Variants in KCNQ1 observed in about 807,000 individuals in gnomAD.
KCNQ1 encodes potassium voltage-gated channel subfamily KQT member 1.
A neutral mutation model predicts 72.4 loss-of-function variants in KCNQ1; 49 were observed. That is an observed-to-expected ratio of 0.68 (90% CI 0.54 to 0.86). The LOEUF is 0.86. Among genes scored for constraint, KCNQ1 ranks in the 40% least tolerant of loss-of-function variants. The probability of loss-of-function intolerance (pLI) is 0.00; values close to 1 mark genes in which losing one functional copy is unlikely to be tolerated. For synonymous variants in KCNQ1, 450 were observed against 412.6 expected (o/e 1.09, Z -1.10); for missense variants, 790 against 945.1 (o/e 0.84, Z 2.15).
chr11:2,737,495 A>T (rs1403012037), intron 11 of KCNQ1, among the ~76,000 whole-genome samples: 1 of 152,228 alleles, frequency 6.6e-6, no homozygotes, highest in Non-Finnish European at 1.5e-5. Context: ...ACAGAGCAAT[A>T]AAATTCTTGT....
chr11:2,498,045 C>G lies in KCNQ1; in HGVS notation c.387-29883C>G, dbSNP rs567738814. On this transcript the variant is annotated intron_variant, in intron 1 of 15. Coordinates refer to ENST00000155840, the MANE Select transcript of KCNQ1 (RefSeq NM_000218.3). The surrounding 1 kb of genome is among the most constrained non-coding windows in gnomAD (Gnocchi z 4.8). ...TGCTGCCTACTCCTTCCTCTGGAAG[C>G]TTTGTCCCAGAAGGGCACCAGCCTG... Among the ~76,000 whole-genome samples, 349 of 152,320 alleles carry G rather than the reference C, an allele frequency of 2.3e-3. 4 individuals carry two copies. The highest frequency in any genetic ancestry group is 4.0e-3 in the Non-Finnish European group (271 of 68,032).
rs1192090126 is a variant in KCNQ1 at position 2,817,847 on chromosome 11, T to C, written c.1795-29920T>C. On this transcript the variant is annotated intron_variant, in intron 15 of 15. Transcript: ENST00000155840. The surrounding 1 kb of genome is among the most constrained non-coding windows in gnomAD (Gnocchi z 6.1). Reference sequence around the variant, plus strand: ...CCTGAATCCAGAGTCACATGTATGTTAGAAACCTCTGGCACTCTCCCCTCC... The same window carrying C: ...CCTGAATCCAGAGTCACATGTATGTCAGAAACCTCTGGCACTCTCCCCTCC... Among the ~76,000 whole-genome samples, 1 of 152,116 alleles carries C rather than the reference T, an allele frequency of 6.6e-6. No homozygotes were observed. The highest frequency in any genetic ancestry group is 1.5e-5 in the Non-Finnish European group (1 of 68,016).
intron 15 of KCNQ1, among the ~76,000 whole-genome samples, chr11:2,797,513 A>G (rs1415867797): frequency 6.6e-6 from 1 of 152,138 alleles, no homozygotes; most frequent in African/African-American, 2.4e-5. Flanking sequence ...CCGTGGCTGT[A>G]CCAGCCCTGC....
In KCNQ1 at chr11:2,682,439, T is replaced by C. The variant is rs1006127835; in HGVS notation, c.1514+20358T>C. ...TGTTTTATCTTCAGTGCTTAATCCA[T>C]ATGGAGCCTGTCACGGACCCTCAGT... On this transcript the variant is annotated intron_variant, in intron 11 of 15. Transcript: ENST00000155840. This position sits in a 1 kb window ranked among gnomAD's most constrained non-coding sequence, Gnocchi z 5.8. 8.5e-5 allele frequency: 34 copies of C among 398,448 alleles called. No homozygotes were observed. The highest frequency in any genetic ancestry group is 1.5e-4 in the Non-Finnish European group (33 of 226,112). The allele number at this position is 398,448 out of a possible 1,614,324, so 24.7% of individuals were successfully genotyped here.
intron 10 of KCNQ1, among the ~76,000 whole-genome samples, chr11:2,606,109 T>C (rs1848874422): frequency 6.6e-6 from 1 of 152,264 alleles, no homozygotes; most frequent in South Asian, 2.1e-4. Context: ...AAATTCGCAC[T>C]GTTGTGCTTT....
intron 1 of KCNQ1, among the ~76,000 whole-genome samples, chr11:2,466,138 G>A (rs536888865): frequency 6.6e-6 from 1 of 152,238 alleles, no homozygotes; most frequent in African/African-American, 2.4e-5. Flanking sequence ...TTTGCCTAGG[G>A]AGTGTCGCTG....
In KCNQ1 at chr11:2,764,333, G is replaced by T. The variant is rs1564885112; in HGVS notation, c.1515-4511G>T. The stretch of plus-strand genomic sequence containing the variant: ...GATTGTATTTTTTCTGACTTATTCT[G>T]TTGATGTGAAGAGTGACGCTGCTTG... On this transcript the variant is annotated intron_variant, in intron 11 of 15. Transcript: ENST00000155840. This position sits in a 1 kb window ranked among gnomAD's most constrained non-coding sequence, Gnocchi z 4.8. Among the ~76,000 whole-genome samples, 1 of 151,904 alleles carries T rather than the reference G, an allele frequency of 6.6e-6. No individual in the cohort carries two copies. Among genetic ancestry groups the T allele is most frequent in the Non-Finnish European group, 1.5e-5 (1 of 68,010 alleles).
chr11:2,583,923 A>G (rs1589965673), intron 7 of KCNQ1, among the ~76,000 whole-genome samples: 1 of 152,142 alleles, frequency 6.6e-6, no homozygotes, highest in South Asian at 2.1e-4. Flanking sequence ...GTTTTGTTCC[A>G]TGTCCTTTCC....
chr11:2,552,210 T>C (rs1040613164), intron 2 of KCNQ1, among the ~76,000 whole-genome samples: 4 of 152,240 alleles, frequency 2.6e-5, no homozygotes, highest in Admixed American at 2.0e-4. Flanking sequence ...TCCTGTTTTC[T>C]GTAGAAATTT....
chr11:2,739,281 C>T (rs1846009543), intron 11 of KCNQ1, among the ~76,000 whole-genome samples: 1 of 152,184 alleles, frequency 6.6e-6, no homozygotes, highest in Non-Finnish European at 1.5e-5. Flanking sequence ...GTACTGAGAG[C>T]CCATCACACA....
In KCNQ1 at chr11:2,495,281, A is replaced by C. The variant is rs1846891656; in HGVS notation, c.387-32647A>C. On this transcript the variant is annotated intron_variant, in intron 1 of 15. Transcript: ENST00000155840. The surrounding 1 kb of genome is among the most constrained non-coding windows in gnomAD (Gnocchi z 4.6). ...TCTATTTTGTTAATCTTTTCAAAAA[A>C]CCAGCTCCTGGATTCATTGATTTTT... Among the ~76,000 whole-genome samples the C allele has an allele frequency of 6.6e-6, 1 of 152,188 alleles. No individual in the cohort carries two copies. The highest frequency in any genetic ancestry group is 2.4e-5 in the African/African-American group (1 of 41,450).
Position 2,583,509 on chromosome 11 carries a change from CTCTG to C in KCNQ1, c.1000_1003del (p.Val334LeufsTer19), listed in dbSNP as rs1253568733. 6.2e-7 allele frequency: 1 copy of C among 1,614,058 alleles called. No individual in the cohort carries two copies. Among genetic ancestry groups the C allele is most frequent in the Admixed American group, 1.7e-5 (1 of 60,032 alleles). The stretch of plus-strand genomic sequence containing the variant: ...TCGGGAAGACCATCGCCTCCTGCTT[CTCTG>C]TCTTTGCCATCTCCTTCTTTGCGCT... On this transcript the variant is annotated frameshift_variant, in exon 7 of 16. Coordinates refer to ENST00000155840, the MANE Select transcript of KCNQ1 (RefSeq NM_000218.3). LOFTEE classifies it high-confidence loss of function.
chr11:2,796,247 C>T (rs1407182187), intron 15 of KCNQ1, among the ~76,000 whole-genome samples: 2 of 152,232 alleles, frequency 1.3e-5, no homozygotes, highest in South Asian at 2.1e-4. Context: ...GGCCCCTGGC[C>T]CCCTGCCAGG....
intron 11 of KCNQ1, among the ~76,000 whole-genome samples, chr11:2,753,367 C>T (rs1846255466): frequency 6.6e-6 from 1 of 152,166 alleles, no homozygotes. Flanking sequence ...CCAGCTTCAG[C>T]TGCTGTCCTG....
In KCNQ1 at chr11:2,734,040, G is replaced by A. The variant is rs1350326160; in HGVS notation, c.1515-34804G>A. On this transcript the variant is annotated intron_variant, in intron 11 of 15. Coordinates refer to ENST00000155840, the MANE Select transcript of KCNQ1 (RefSeq NM_000218.3). This position sits in a 1 kb window ranked among gnomAD's most constrained non-coding sequence, Gnocchi z 7.0. ...GCGCTCTAAATCAGGACCACCTTGC[G>A]GTTCTCCCAGCCCCAGCCTTGCCTT... Among the ~76,000 whole-genome samples, 3 of 151,978 alleles carry A rather than the reference G, an allele frequency of 2.0e-5. No individual in the cohort carries two copies. The highest frequency in any genetic ancestry group is 4.4e-5 in the Non-Finnish European group (3 of 67,998).
intron 1 of KCNQ1, among the ~76,000 whole-genome samples, chr11:2,474,092 T>TG (rs1846534265): frequency 6.6e-6 from 1 of 151,488 alleles, no homozygotes; most frequent in African/African-American, 2.4e-5. Context: ...CAGTGTGGAG[T>TG]GGTTTTTTGT....
Position 2,506,750 on chromosome 11 carries a change from G to A in KCNQ1, c.387-21178G>A, listed in dbSNP as rs76935400. Among the ~76,000 whole-genome samples, 204 of 152,298 alleles carry A rather than the reference G, an allele frequency of 1.3e-3. 1 individual carries two copies. Among genetic ancestry groups the A allele is most frequent in the South Asian group, 4.8e-3 (23 of 4,826 alleles). The stretch of plus-strand genomic sequence containing the variant: ...GCATACCGGTTTTTTCTACAGTTGC[G>A]CCAGCAGCGTGCTGTCACACCACTT... On this transcript the variant is annotated intron_variant, in intron 1 of 15. Coordinates refer to ENST00000155840, the MANE Select transcript of KCNQ1 (RefSeq NM_000218.3).
intron 15 of KCNQ1, among the ~76,000 whole-genome samples, chr11:2,798,607 A>G (rs1364591957): frequency 6.6e-6 from 1 of 152,074 alleles, no homozygotes; most frequent in Admixed American, 6.5e-5. Context: ...AACAGAACGA[A>G]TTTTCTTGAT....
chr11:2,582,256 C>T (rs942170108), intron 6 of KCNQ1, among the ~76,000 whole-genome samples: 5 of 152,332 alleles, frequency 3.3e-5, no homozygotes, highest in East Asian at 1.9e-4. Context: ...CACCCCTGCC[C>T]GGGGGTGGCC....
Sources: gnomAD v4.1 joint callset for allele counts (sites outside exome capture counted in the v4.1 genomes callset) on GRCh38, gnomAD v4.1.1 for gene constraint, Gnocchi (gnomAD v3.1) non-coding constraint, MANE v1.5 for transcripts, NCBI Gene and HGNC (gene_info 2026-07-23, HGNC 2026-07-21) for gene names.